NDST4: variants seen among roughly 807,000 people sequenced by gnomAD.
NDST4 encodes the protein N-deacetylase and N-sulfotransferase 4, also known as N-heparan sulfate sulfotransferase 4.
NDST4 carries 63 observed loss-of-function variants against 100.8 expected under a neutral mutation model. That is an observed-to-expected ratio of 0.62 (90% CI 0.51 to 0.77). The LOEUF (loss-of-function observed/expected upper bound fraction) is 0.77. Among genes scored for constraint, NDST4 ranks in the 30% least tolerant of loss-of-function variants. NDST4 has a pLI of 0.00. For synonymous variants in NDST4, 377 were observed against 361.8 expected (o/e 1.04, Z -0.48); for missense variants, 943 against 1,018.4 (o/e 0.93, Z 1.01).
Position 115,078,205 on chromosome 4 carries a change from T to C in NDST4, c.-246-923A>G, listed in dbSNP as rs549200774. Among the ~76,000 whole-genome samples the C allele has an allele frequency of 3.9e-5, 6 of 152,260 alleles. No individual in the cohort carries two copies. In the South Asian group the frequency reaches 1.2e-3, roughly 32 times the overall value. On this transcript the variant is annotated intron_variant, in intron 1 of 13. Coordinates refer to ENST00000264363, the MANE Select transcript of NDST4 (RefSeq NM_022569.3). ...GGTTCTGCAGGCTGTACAGGAAGCA[T>C]AGCAGCTTCTGCTTCTGGGGAGATA...
intron 7 of NDST4, among the ~76,000 whole-genome samples, chr4:114,858,096 A>G (rs1356017047): frequency 6.6e-6 from 1 of 152,190 alleles, no homozygotes; most frequent in African/African-American, 2.4e-5. Context: ...AAAGCCATGC[A>G]TGGACCTCTT....
chr4:115,024,439 G>GA (rs147985069), intron 2 of NDST4, among the ~76,000 whole-genome samples: 9,469 of 150,324 alleles, frequency 0.063, 907 homozygotes, highest in African/African-American at 0.21. Context: ...ATTTATAACT[G>GA]ATTTTTTTTC....
chr4:114,829,062 G>T (rs1723140816), intron 13 of NDST4, among the ~76,000 whole-genome samples: 1 of 152,048 alleles, frequency 6.6e-6, no homozygotes, highest in African/African-American at 2.4e-5. Context: ...AAGTTATTGA[G>T]TTCAAAAATG....
chr4:115,066,591 A>G (rs1728952224), intron 2 of NDST4, among the ~76,000 whole-genome samples: 1 of 152,192 alleles, frequency 6.6e-6, no homozygotes, highest in Admixed American at 6.5e-5. Flanking sequence ...TTACTAAAAC[A>G]ATTTAATTGA....
chr4:114,847,167 G>C (rs1723567212), intron 9 of NDST4, among the ~76,000 whole-genome samples: 1 of 131,186 alleles, frequency 7.6e-6, no homozygotes, highest in South Asian at 3.0e-4. Context: ...ACGAGGTCAG[G>C]AGATCGAGAC....
At chr4:114,945,296 A>G (rs559236164) in intron 4 of NDST4, among the ~76,000 whole-genome samples, 1 of 151,268 alleles carries the variant, frequency 6.6e-6, no homozygotes, top group Non-Finnish European at 1.5e-5. Flanking sequence ...AGGATTTTAC[A>G]CAAATCGCTG....
At chr4:114,838,713 T>C (rs1723355944) in intron 11 of NDST4, among the ~76,000 whole-genome samples, 1 of 151,666 alleles carries the variant, frequency 6.6e-6, no homozygotes, top group African/African-American at 2.4e-5. Context: ...AAATACCTAA[T>C]GTAGGTGACG....
chr4:114,985,199 G>C lies in NDST4; in HGVS notation c.979-7925C>G, dbSNP rs146072117. The stretch of plus-strand genomic sequence containing the variant: ...CACACTCAATCTGAAAAAAAACCTA[G>C]TGAGCCAAAGAACACCTTGACATTT... On this transcript the variant is annotated intron_variant, in intron 2 of 13. Coordinates refer to ENST00000264363, the MANE Select transcript of NDST4 (RefSeq NM_022569.3). 2.9e-3 allele frequency among the ~76,000 whole-genome samples: 449 copies of C among 152,212 alleles called. 2 individuals carry two copies. Among genetic ancestry groups the C allele is most frequent in the Non-Finnish European group, 5.2e-3 (357 of 68,012 alleles).
At chr4:114,990,311 A>T (rs1727009707) in intron 2 of NDST4, among the ~76,000 whole-genome samples, 1 of 151,970 alleles carries the variant, frequency 6.6e-6, no homozygotes, top group Admixed American at 6.6e-5. Flanking sequence ...TTAAAATAAA[A>T]CTCCTAATTA....
chr4:114,953,239 C>A (rs1394222634), intron 4 of NDST4, among the ~76,000 whole-genome samples: 1 of 151,842 alleles, frequency 6.6e-6, no homozygotes, highest in Non-Finnish European at 1.5e-5. Flanking sequence ...TAGAAATAAG[C>A]CTAAGAACCT....
chr4:114,970,024 T>C (rs1033762416), intron 4 of NDST4, among the ~76,000 whole-genome samples: 1 of 152,174 alleles, frequency 6.6e-6, no homozygotes, highest in Admixed American at 6.5e-5. Flanking sequence ...AATGAGATGG[T>C]ATCTCATTGT....
chr4:115,017,932 T>A (rs1208778626), intron 2 of NDST4, among the ~76,000 whole-genome samples: 7 of 151,754 alleles, frequency 4.6e-5, no homozygotes, highest in Non-Finnish European at 1.0e-4. Flanking sequence ...TAAAAAAAAA[T>A]TGAGAAGACA....
chr4:114,916,422 T>TCCAGCTTA lies in NDST4; in HGVS notation c.1536+18776_1536+18783dup, dbSNP rs570942690. Reference sequence around the variant, plus strand: ...TTCTATAGTCTTTTCCATATATGCTTCCAGCTTAGTAGCTCACTAGCTTCC... The same window carrying TCCAGCTTA: ...TTCTATAGTCTTTTCCATATATGCTTCCAGCTTACCAGCTTAGTAGCTCACTAGCTTCC... On this transcript the variant is annotated intron_variant, in intron 6 of 13. Transcript: ENST00000264363. Among the ~76,000 whole-genome samples, 15 of 152,152 alleles carry TCCAGCTTA rather than the reference T, an allele frequency of 9.9e-5. No homozygotes were observed. In the South Asian group the frequency reaches 3.1e-3, roughly 32 times the overall value.
chr4:114,923,871 T>C (rs565456419), intron 6 of NDST4, among the ~76,000 whole-genome samples: 3 of 151,702 alleles, frequency 2.0e-5, no homozygotes, highest in Admixed American at 6.6e-5. Flanking sequence ...TAGCCAGTTA[T>C]ACTAGATGGA....
At position 114,948,430 on chromosome 4, in the gene NDST4, T is replaced by C. The variant is rs539298938; in HGVS notation, c.1222-10927A>G. On this transcript the variant is annotated intron_variant, in intron 4 of 13. Transcript: ENST00000264363. ...TCATCAGACCAAAAGTAGGTTCCTA[T>C]TAATAAATGGTACCTATATACTCAA... Among the ~76,000 whole-genome samples, 75 of 152,192 alleles carry C rather than the reference T, an allele frequency of 4.9e-4. 1 individual carries two copies. The highest frequency in any genetic ancestry group is 1.6e-3 in the African/African-American group (66 of 41,564).
At chr4:114,851,666 T>G (rs566664266) in intron 8 of NDST4, among the ~76,000 whole-genome samples, 1 of 152,314 alleles carries the variant, frequency 6.6e-6, no homozygotes, top group East Asian at 1.9e-4. Flanking sequence ...ACTCCAGAGT[T>G]AGCAATGCTG....
intron 10 of NDST4, among the ~76,000 whole-genome samples, chr4:114,840,767 C>A (rs1479461946): frequency 6.6e-6 from 1 of 151,996 alleles, no homozygotes; most frequent in South Asian, 2.1e-4. Context: ...TATACTGGTC[C>A]GTGCTATGAC....
At chr4:114,852,589 A>G in intron 8 of NDST4, 136 bp downstream of exon 8, 1 of 571,224 alleles carries the variant, frequency 1.8e-6, no homozygotes, top group Non-Finnish European at 3.1e-6. Context: ...GGAGATGACA[A>G]GCAGTTCAAA....
At position 114,845,809 on chromosome 4, in the gene NDST4, T is replaced by C. The variant is rs1723535648; in HGVS notation, c.2115+14A>G. ...TAACAAAATGCTTTTAGCCGATTTT[T>C]TTACTGACCATACCTGGTACCAAGA... On this transcript the variant is annotated intron_variant, in intron 10 of 13. Coordinates refer to ENST00000264363, the MANE Select transcript of NDST4 (RefSeq NM_022569.3). 1 of 1,585,852 alleles carries C rather than the reference T, an allele frequency of 6.3e-7. No homozygotes were observed.
Sources: gnomAD v4.1 joint callset for allele counts (sites outside exome capture counted in the v4.1 genomes callset) on GRCh38, gnomAD v4.1.1 for gene constraint, MANE v1.5 for transcripts, NCBI Gene and HGNC (gene_info 2026-07-23, HGNC 2026-07-21) for gene names.